NBEA: variants seen among roughly 807,000 people sequenced by gnomAD.
NBEA encodes lysosomal-trafficking regulator 2.
Under a neutral mutation model 343.4 loss-of-function variants are expected in NBEA, and 44 were observed. The ratio of observed to expected loss-of-function variants is 0.13; its 90% confidence interval spans 0.10 to 0.16. The LOEUF (loss-of-function observed/expected upper bound fraction) is 0.16, where lower values mean the gene tolerates loss of function less well. Ranked by LOEUF, NBEA falls within the 10% of genes least tolerant of loss-of-function variation. The pLI, the probability that NBEA is intolerant of heterozygous loss-of-function variation, is 1.00. For synonymous variants in NBEA, 1,175 were observed against 1,238.7 expected (o/e 0.95, Z 1.08); for missense variants, 2,555 against 3,631.3 (o/e 0.70, Z 7.62).
chr13:35,443,751 G>A (rs2045858387), intron 39 of NBEA, among the ~76,000 whole-genome samples: 1 of 151,896 alleles, frequency 6.6e-6, no homozygotes, highest in South Asian at 2.1e-4. Flanking sequence ...GAAAATGCTT[G>A]AGATTTCTGG....
At chr13:35,478,701 C>T (rs112340415) in intron 41 of NBEA, among the ~76,000 whole-genome samples, 1 of 152,228 alleles carries the variant, frequency 6.6e-6, no homozygotes, top group Non-Finnish European at 1.5e-5. Context: ...CGCCCACGTC[C>T]GGCCCAGGTG....
At chr13:35,314,139 T>A (rs2152835605) in intron 36 of NBEA, among the ~76,000 whole-genome samples, 1 of 152,250 alleles carries the variant, frequency 6.6e-6, no homozygotes, top group African/African-American at 2.4e-5. Flanking sequence ...AGATTTCATA[T>A]GATGCCTTCT....
intron 41 of NBEA, among the ~76,000 whole-genome samples, chr13:35,485,406 T>C (rs1187079217): frequency 1.3e-5 from 2 of 152,076 alleles, no homozygotes; most frequent in Non-Finnish European, 2.9e-5. Flanking sequence ...TGGCAGGCAG[T>C]AGATGTTTAT....
intron 11 of NBEA, among the ~76,000 whole-genome samples, chr13:35,106,578 A>C (rs779383874): frequency 6.6e-6 from 1 of 151,966 alleles, no homozygotes; most frequent in Non-Finnish European, 1.5e-5. Context: ...TAAGAGGTAA[A>C]GGTAACATGC....
At chr13:35,483,659 T>G (rs749521802) in intron 41 of NBEA, among the ~76,000 whole-genome samples, 2 of 152,142 alleles carry the variant, frequency 1.3e-5, no homozygotes, top group Non-Finnish European at 2.9e-5. Flanking sequence ...GTCTTTTATT[T>G]CTTCCCCCAA....
chr13:35,671,101 T>A lies in NBEA; in HGVS notation c.*110T>A, dbSNP rs2085598284. 1 of 697,822 alleles carries A rather than the reference T, an allele frequency of 1.4e-6. No individual in the cohort carries two copies. The highest frequency in any genetic ancestry group is 1.8e-5 in the African/African-American group (1 of 56,478). 43.2% of individuals were successfully genotyped at this position (697,822 alleles called of 1,614,324 possible). A position where few individuals can be genotyped will look rare whatever the true frequency, so the allele number is the denominator to read the frequency against. On this transcript the variant is annotated 3_prime_UTR_variant, in exon 59 of 59. Transcript: ENST00000379939. ...GTCTACATCGACCTCCGTTTGTACA[T>A]TCCATCACACCCAGCAATAGCTGTA...
intron 38 of NBEA, among the ~76,000 whole-genome samples, chr13:35,379,218 A>G (rs2041889578): frequency 6.6e-6 from 1 of 152,002 alleles, no homozygotes; most frequent in African/African-American, 2.4e-5. Context: ...ATTCTCTCCT[A>G]TACTTTACAT....
At chr13:35,489,273 C>T (rs1162621567) in intron 41 of NBEA, among the ~76,000 whole-genome samples, 2 of 151,812 alleles carry the variant, frequency 1.3e-5, no homozygotes, top group Non-Finnish European at 2.9e-5. Context: ...TCTGTTTCAT[C>T]TGGTGGCTTA....
intron 38 of NBEA, among the ~76,000 whole-genome samples, chr13:35,420,797 A>C (rs1208666626): frequency 1.3e-5 from 2 of 151,946 alleles, no homozygotes. Flanking sequence ...AGTCTTTCAC[A>C]GTATCCACTC....
intron 1 of NBEA, among the ~76,000 whole-genome samples, chr13:35,015,622 A>G (rs752272080): frequency 1.3e-5 from 2 of 152,164 alleles, no homozygotes; most frequent in Non-Finnish European, 2.9e-5. Context: ...TTCAAGTCAT[A>G]TAGTCATTAT....
intron 39 of NBEA, among the ~76,000 whole-genome samples, chr13:35,433,983 T>G (rs1286928021): frequency 6.6e-6 from 1 of 152,114 alleles, no homozygotes; most frequent in East Asian, 1.9e-4. Context: ...TAACAGAGTT[T>G]ATACTACAGT....
chr13:35,438,965 G>T (rs2045588938), intron 39 of NBEA, among the ~76,000 whole-genome samples: 1 of 152,152 alleles, frequency 6.6e-6, no homozygotes, highest in African/African-American at 2.4e-5. Flanking sequence ...AGACTCAGAG[G>T]ACTTGTGTAA....
At chr13:35,272,175 A>G (rs1240747160) in intron 34 of NBEA, among the ~76,000 whole-genome samples, 1 of 152,224 alleles carries the variant, frequency 6.6e-6, no homozygotes, top group Non-Finnish European at 1.5e-5. Flanking sequence ...AAACCCTACA[A>G]GCCAGAAGAG....
intron 1 of NBEA, among the ~76,000 whole-genome samples, chr13:34,947,103 C>G (rs2059208992): frequency 6.6e-6 from 1 of 151,556 alleles, no homozygotes; most frequent in African/African-American, 2.4e-5. Context: ...ATATATAAGC[C>G]TTTTCATATT....
intron 34 of NBEA, among the ~76,000 whole-genome samples, chr13:35,263,122 A>C (rs1320340094): frequency 6.6e-6 from 1 of 152,198 alleles, no homozygotes; most frequent in Non-Finnish European, 1.5e-5. Flanking sequence ...AATGAAACAG[A>C]CATATAAACC....
chr13:35,283,388 A>G (rs1166542248), intron 34 of NBEA, among the ~76,000 whole-genome samples: 2 of 152,188 alleles, frequency 1.3e-5, no homozygotes, highest in Non-Finnish European at 2.9e-5. Flanking sequence ...ATTACAATTT[A>G]AAAGCACTTA....
chr13:35,111,194 G>C (rs948391726), intron 13 of NBEA, among the ~76,000 whole-genome samples: 20 of 152,068 alleles, frequency 1.3e-4, no homozygotes, highest in South Asian at 6.2e-4. Flanking sequence ...AGCAACAATA[G>C]TCTTTATTTT....
At position 35,668,528 on chromosome 13, in the gene NBEA, C is replaced by T. The variant is rs781717015; in HGVS notation, c.8813+9C>T. On this transcript the variant is annotated intron_variant, in intron 58 of 58. Transcript: ENST00000379939. ...TTGTCCCATGACCAGAGGTGAGCTG[C>T]GTCAAGGACAAGTATCATCACTGAG... The T allele has an allele frequency of 1.2e-5, 19 of 1,578,546 alleles. No homozygotes were observed. Among genetic ancestry groups the T allele is most frequent in the East Asian group, 4.6e-5 (2 of 43,844 alleles).
At chr13:35,166,320 A>C (rs1257133416) in intron 24 of NBEA, among the ~76,000 whole-genome samples, 1 of 152,188 alleles carries the variant, frequency 6.6e-6, no homozygotes, top group African/African-American at 2.4e-5. Flanking sequence ...GTAATGAAGT[A>C]AACTATAACA....
Sources: gnomAD v4.1 joint callset for allele counts (sites outside exome capture counted in the v4.1 genomes callset) on GRCh38, gnomAD v4.1.1 for gene constraint, MANE v1.5 for transcripts, NCBI Gene and HGNC (gene_info 2026-07-23, HGNC 2026-07-21) for gene names.